The following KCNJ12 variants were observed in gnomAD, a reference collection of about 807,000 sequenced individuals.
KCNJ12 encodes the protein potassium inwardly rectifying channel subfamily J member 12.
In KCNJ12, 2 loss-of-function variants were observed where a neutral mutation model predicts 22.3. That is an observed-to-expected ratio of 0.09 (90% CI 0.04 to 0.28). The LOEUF is 0.28. KCNJ12 is among the 10% of genes least tolerant of loss of function. The probability of loss-of-function intolerance (pLI) is 1.00; values close to 1 mark genes in which losing one functional copy is unlikely to be tolerated. For synonymous variants in KCNJ12, 117 were observed against 261.4 expected (o/e 0.45, Z 5.33); for missense variants, 155 against 633.3 (o/e 0.24, Z 8.11).
At chr17:21,398,105 G>A (rs1228565853) in intron 1 of KCNJ12, among the ~76,000 whole-genome samples, 1 of 152,124 alleles carries the variant, frequency 6.6e-6, no homozygotes, top group Non-Finnish European at 1.5e-5. Context: ...GTGTGTGTGT[G>A]TGTGTGTGTG....
At chr17:21,408,757 C>T (rs1234630815) in intron 2 of KCNJ12, 117 bp downstream of exon 2, 5 of 152,236 alleles carry the variant, frequency 3.3e-5, no homozygotes, top group African/African-American at 1.2e-4. Flanking sequence ...ACCCATTCCC[C>T]CACCCATTTA....
intron 1 of KCNJ12, among the ~76,000 whole-genome samples, chr17:21,394,696 A>C (rs1555559700): frequency 6.6e-6 from 1 of 152,176 alleles, no homozygotes; most frequent in Non-Finnish European, 1.5e-5. Flanking sequence ...GGGAAGGTGA[A>C]GACAGAGACT....
At chr17:21,379,256 G>A (rs1279687361) in intron 1 of KCNJ12, among the ~76,000 whole-genome samples, 1 of 152,250 alleles carries the variant, frequency 6.6e-6, no homozygotes, top group Non-Finnish European at 1.5e-5. Flanking sequence ...ACAGTTGGCA[G>A]TACCAAGCGT....
At chr17:21,409,581 C>A (rs1906200377) in intron 2 of KCNJ12, among the ~76,000 whole-genome samples, 1 of 152,312 alleles carries the variant, frequency 6.6e-6, no homozygotes, top group African/African-American at 2.4e-5. Context: ...CTCCCAGGGG[C>A]AGCTTGCTGG....
At chr17:21,395,069 A>AGGAG (rs1905307377) in intron 1 of KCNJ12, among the ~76,000 whole-genome samples, 1 of 152,104 alleles carries the variant, frequency 6.6e-6, no homozygotes, top group African/African-American at 2.4e-5. Context: ...AGGCTGAGGC[A>AGGAG]GGAGGATTAC....
At chr17:21,408,121 C>T (rs1218835997) in intron 1 of KCNJ12, among the ~76,000 whole-genome samples, 1 of 152,308 alleles carries the variant, frequency 6.6e-6, no homozygotes, top group Non-Finnish European at 1.5e-5. Flanking sequence ...AGGCTGAGGG[C>T]CTGAATTCCT....
chr17:21,419,374 A>G lies in KCNJ12; in HGVS notation c.*2730A>G, dbSNP rs1213827905. 23 of 166,572 alleles carry G rather than the reference A, an allele frequency of 1.4e-4. No homozygotes were observed. In the Admixed American group the frequency reaches 1.5e-3, roughly 11 times the overall value. The allele number at this position is 166,572 out of a possible 1,614,324, so 10.3% of individuals were successfully genotyped here. On this transcript the variant is annotated 3_prime_UTR_variant, in exon 3 of 3. Coordinates refer to ENST00000583088, the MANE Select transcript of KCNJ12 (RefSeq NM_021012.5). ...TGTCTACCCCCAGGTGTTTCCGTGT[A>G]CAAGTTTCCTGTGAGGGAGGGCACC...
In KCNJ12 at chr17:21,404,922, G is replaced by A. The variant is rs1354953911; in HGVS notation, c.-178-3597G>A. Among the ~76,000 whole-genome samples the A allele has an allele frequency of 6.6e-5, 10 of 152,412 alleles. No homozygotes were observed. The East Asian group carries it at 1.2e-3, about 18-fold the overall frequency. ...GGGTGGACGTTTGCCTTTTCTGGCC[G>A]CTTGGTGCAGCCTCTTTCTGGGGTC... On this transcript the variant is annotated intron_variant, in intron 1 of 2. Transcript: ENST00000583088.
chr17:21,389,953 C>T (rs1427225788), intron 1 of KCNJ12, among the ~76,000 whole-genome samples: 2 of 152,154 alleles, frequency 1.3e-5, no homozygotes, highest in African/African-American at 4.8e-5. Context: ...TCTCACTGCA[C>T]GTCCTGCTTC....
chr17:21,393,692 C>G (rs1413500635), intron 1 of KCNJ12, among the ~76,000 whole-genome samples: 1 of 152,206 alleles, frequency 6.6e-6, no homozygotes, highest in African/African-American at 2.4e-5. Flanking sequence ...CTGGAATTGT[C>G]TCACTTAGTC....
chr17:21,410,716 C>T (rs1906280523), intron 2 of KCNJ12, among the ~76,000 whole-genome samples: 1 of 152,276 alleles, frequency 6.6e-6, no homozygotes, highest in Non-Finnish European at 1.5e-5. Flanking sequence ...AGTCAGGCCT[C>T]AGGTCTTGGT....
At chr17:21,395,516 C>T (rs138904662) in intron 1 of KCNJ12, among the ~76,000 whole-genome samples, 7 of 116,826 alleles carry the variant, frequency 6.0e-5, no homozygotes, top group East Asian at 2.7e-4. Context: ...GGGATGCGGA[C>T]GTTGCAGTGA....
At chr17:21,404,674 G>A (rs1340249923) in intron 1 of KCNJ12, among the ~76,000 whole-genome samples, 6 of 152,240 alleles carry the variant, frequency 3.9e-5, no homozygotes, top group African/African-American at 1.2e-4. Context: ...CAGTGTCTGC[G>A]ATGGCCACCC....
chr17:21,380,237 T>G lies in KCNJ12; in HGVS notation c.-179+3324T>G, dbSNP rs149553123. Among the ~76,000 whole-genome samples, 313 of 152,302 alleles carry G rather than the reference T, an allele frequency of 2.1e-3. 3 individuals carry two copies. Among genetic ancestry groups the G allele is most frequent in the Non-Finnish European group, 2.0e-3 (139 of 68,020 alleles). ...TAGGTGCCCAGTAAATGCTCGATGA[T>G]TCCATGTCTGGACTGCTTCTTCCAG... On this transcript the variant is annotated intron_variant, in intron 1 of 2. Transcript: ENST00000583088.
At chr17:21,387,303 G>A (rs1183448210) in intron 1 of KCNJ12, among the ~76,000 whole-genome samples, 4 of 150,728 alleles carry the variant, frequency 2.7e-5, no homozygotes, top group East Asian at 3.9e-4. Context: ...TTAGCCGGGC[G>A]TGGTGGCAGG....
intron 2 of KCNJ12, 115 bp from the exon 3 acceptor site, chr17:21,415,172 A>G (rs1205344289): frequency 1.7e-6 from 2 of 1,145,394 alleles, no homozygotes; most frequent in African/African-American, 3.0e-5. Context: ...CCAGAGCACG[A>G]TCGTGGGTCA....
rs369037110 is a variant in KCNJ12 at position 21,397,315 on chromosome 17, C to T, written c.-178-11204C>T. Among the ~76,000 whole-genome samples the T allele has an allele frequency of 6.5e-4, 99 of 152,328 alleles. No individual in the cohort carries two copies. In the South Asian group the frequency reaches 9.3e-3, roughly 14 times the overall value. On this transcript the variant is annotated intron_variant, in intron 1 of 2. Coordinates refer to ENST00000583088, the MANE Select transcript of KCNJ12 (RefSeq NM_021012.5). ...GATCACAGCTCCTGCTGCAGGCTCT[C>T]GAGCAAGGGCCACCCCAAAGAACGC...
rs1442822266 is a variant in KCNJ12 at position 21,418,974 on chromosome 17, C to G, written c.*2330C>G. ...CTGTGCTCTTACCTCCCAGCCCCCACCCTGCGGGAGAGCAGCCCCAGCGCC... is the reference window on the plus strand; with the variant it reads ...CTGTGCTCTTACCTCCCAGCCCCCAGCCTGCGGGAGAGCAGCCCCAGCGCC... On this transcript the variant is annotated 3_prime_UTR_variant, in exon 3 of 3. Transcript: ENST00000583088. 6.0e-6 allele frequency: 1 copy of G among 166,968 alleles called. No individual in the cohort carries two copies. The highest frequency in any genetic ancestry group is 2.4e-5 in the African/African-American group (1 of 41,458). 10.3% of individuals were successfully genotyped at this position (166,968 alleles called of 1,614,324 possible).
At chr17:21,387,440 C>CA (rs782125409) in intron 1 of KCNJ12, among the ~76,000 whole-genome samples, 7,872 of 35,862 alleles carry the variant, frequency 0.22, 1,394 homozygotes, top group African/African-American at 0.41. Context: ...GACTCTATCT[C>CA]AAAAAAAAAA....
Sources: allele counts gnomAD v4.1 joint callset (sites outside exome capture counted in the v4.1 genomes callset), GRCh38; gene constraint gnomAD v4.1.1; transcripts MANE v1.5; gene names NCBI Gene and HGNC (gene_info 2026-07-23, HGNC 2026-07-21).